Variants in KDM5B observed in about 807,000 individuals in gnomAD.
KDM5B encodes the protein lysine demethylase 5B.
Under a neutral mutation model 193.4 loss-of-function variants are expected in KDM5B, and 144 were observed. The observed-to-expected ratio is 0.74, with a 90% CI of 0.65 to 0.86. The LOEUF is 0.86. Ranked by LOEUF, KDM5B falls within the 40% of genes least tolerant of loss-of-function variation. The probability of loss-of-function intolerance (pLI) is 0.00; values close to 1 mark genes in which losing one functional copy is unlikely to be tolerated. For synonymous variants in KDM5B, 668 were observed against 682.6 expected (o/e 0.98, Z 0.33); for missense variants, 1,833 against 1,886.9 (o/e 0.97, Z 0.53).
chr1:202,781,281 C>G (rs554971557), intron 1 of KDM5B, among the ~76,000 whole-genome samples: 218 of 152,258 alleles, frequency 1.4e-3, no homozygotes, highest in African/African-American at 5.0e-3. Context: ...GCTTGGGCAA[C>G]AGAGCACGAA....
chr1:202,782,087 A>G (rs1193284581), intron 1 of KDM5B, among the ~76,000 whole-genome samples: 1 of 152,206 alleles, frequency 6.6e-6, no homozygotes, highest in Non-Finnish European at 1.5e-5. Context: ...ATATCTGTCA[A>G]TAAGGATGCT....
intron 4 of KDM5B, 33 bp from the exon 5 acceptor site, chr1:202,767,093 CCT>C (rs1491466279): frequency 1.2e-6 from 2 of 1,602,088 alleles, no homozygotes; most frequent in Non-Finnish European, 1.7e-6. Context: ...TAAATTCCCT[CCT>C]TTTTTTTTTC....
At chr1:202,790,920 T>C (rs996007180) in intron 1 of KDM5B, among the ~76,000 whole-genome samples, 2 of 152,106 alleles carry the variant, frequency 1.3e-5, no homozygotes, top group African/African-American at 4.8e-5. Context: ...AATAAATTTC[T>C]ATTATTTATA....
Position 202,758,510 on chromosome 1 carries a change from C to G in KDM5B, c.1078G>C (p.Glu360Gln), listed in dbSNP as rs1228919356. 6.2e-7 allele frequency: 1 copy of G among 1,603,852 alleles called. No individual in the cohort carries two copies. Among genetic ancestry groups the G allele is most frequent in the Non-Finnish European group, 8.5e-7 (1 of 1,172,268 alleles). ...AATGCTTCTTGTGGCTTACTACATT[C>G]CTGAAAATAAAGAAAATTACGTTCT... ...DWRCPKCLAQ[E>Q]CSKPQEAFGF... Residue 360 changes from glutamate (E) to glutamine (Q), a missense_variant and splice_region_variant, in exon 9 of 27, where the codon GAA (glutamate) becomes CAA (glutamine). Glu to Gln is a conservative substitution (Grantham distance 29). Transcript: ENST00000367265.
chr1:202,754,042 C>A (rs4478871), intron 11 of KDM5B, among the ~76,000 whole-genome samples: 4 of 152,100 alleles, frequency 2.6e-5, no homozygotes, highest in Admixed American at 2.6e-4. Context: ...TAAAGCAACC[C>A]ACAAGGGTAA....
intron 1 of KDM5B, among the ~76,000 whole-genome samples, chr1:202,785,008 T>TG (rs1657348404): frequency 7.4e-6 from 1 of 135,652 alleles, no homozygotes; most frequent in Admixed American, 8.1e-5. Flanking sequence ...AGAGCCTGTC[T>TG]CAAAAAAAAA....
intron 4 of KDM5B, among the ~76,000 whole-genome samples, chr1:202,768,243 G>A (rs1027484249): frequency 2.0e-4 from 31 of 152,056 alleles, no homozygotes; most frequent in African/African-American, 6.8e-4. Flanking sequence ...ACATTAACAC[G>A]ACAAAATATT....
Position 202,760,899 on chromosome 1 carries a change from G to A in KDM5B, c.919-326C>T, listed in dbSNP as rs752970916. ...GGTTATAGGCCAAGAGTGGTGGCACGTGTCTGTAGTTCCAACTACTTGGGG... is the reference window on the plus strand; with the variant it reads ...GGTTATAGGCCAAGAGTGGTGGCACATGTCTGTAGTTCCAACTACTTGGGG... On this transcript the variant is annotated intron_variant, in intron 7 of 26. Coordinates refer to ENST00000367265, the MANE Select transcript of KDM5B (RefSeq NM_006618.5). 9.2e-5 allele frequency among the ~76,000 whole-genome samples: 14 copies of A among 152,206 alleles called. 1 individual carries two copies. The South Asian group carries it at 2.3e-3, about 25-fold the overall frequency.
intron 20 of KDM5B, among the ~76,000 whole-genome samples, chr1:202,740,396 C>T (rs1572712659): frequency 8.0e-6 from 1 of 125,580 alleles, no homozygotes; most frequent in East Asian, 2.6e-4. Context: ...GGGCAGCCGG[C>T]CGGGTGGGGG....
intron 1 of KDM5B, among the ~76,000 whole-genome samples, chr1:202,804,619 T>A (rs190098505): frequency 3.9e-5 from 6 of 152,234 alleles, no homozygotes; most frequent in Admixed American, 3.3e-4. Flanking sequence ...GATGAAGGAA[T>A]CAAACTAGTA....
rs372430210 is a variant in KDM5B, at chr1:202,741,322, A to G, written c.2945+45T>C. 726 of 1,376,724 alleles carry G rather than the reference A, an allele frequency of 5.3e-4. 1 individual carries two copies. The Middle Eastern group carries it at 9.1e-3, about 17-fold the overall frequency. 85.3% of individuals were successfully genotyped at this position (1,376,724 alleles called of 1,614,324 possible). On this transcript the variant is annotated intron_variant, in intron 19 of 26. Coordinates refer to ENST00000367265, the MANE Select transcript of KDM5B (RefSeq NM_006618.5). Reference sequence around the variant, plus strand: ...ATTGTGCTCTGTGTTTAAGCTGGAGATAACTGTCCAACCTTCCCAAAGAAA... The same window carrying G: ...ATTGTGCTCTGTGTTTAAGCTGGAGGTAACTGTCCAACCTTCCCAAAGAAA...
chr1:202,797,173 A>G (rs1219489210), intron 1 of KDM5B: 1 of 152,194 alleles, frequency 6.6e-6, no homozygotes, highest in Non-Finnish European at 1.5e-5. Flanking sequence ...TGAACCCCTC[A>G]GCCCTGAGGG....
At chr1:202,751,609 A>G (rs1655794785) in intron 12 of KDM5B, among the ~76,000 whole-genome samples, 1 of 152,120 alleles carries the variant, frequency 6.6e-6, no homozygotes, top group African/African-American at 2.4e-5. Context: ...CCTACTACAG[A>G]TGTCATCTCA....
intron 1 of KDM5B, among the ~76,000 whole-genome samples, chr1:202,800,761 A>G (rs1658040204): frequency 6.6e-6 from 1 of 152,224 alleles, no homozygotes; most frequent in Non-Finnish European, 1.5e-5. Flanking sequence ...TCTGGCCAAT[A>G]CAAAAATGAA....
At chr1:202,805,935 A>G (rs758487006) in intron 1 of KDM5B, among the ~76,000 whole-genome samples, 6 of 152,194 alleles carry the variant, frequency 3.9e-5, no homozygotes, top group Non-Finnish European at 8.8e-5. Flanking sequence ...CTCCAAACAG[A>G]GTACTGGTTG....
intron 16 of KDM5B, among the ~76,000 whole-genome samples, chr1:202,745,379 T>G (rs965225641): frequency 3.3e-5 from 5 of 151,962 alleles, no homozygotes; most frequent in South Asian, 2.1e-4. Flanking sequence ...GAGAGAGAGA[T>G]ATAAAGGGTA....
At chr1:202,773,616 T>C (rs1572751888) in intron 3 of KDM5B, among the ~76,000 whole-genome samples, 4 of 152,362 alleles carry the variant, frequency 2.6e-5, no homozygotes, top group African/African-American at 9.6e-5. Flanking sequence ...TACTTGGTCT[T>C]ATTCTGGGCT....
rs549846539 is a variant in KDM5B at position 202,789,523 on chromosome 1, C to T, written c.205-12429G>A. 9.3e-4 allele frequency among the ~76,000 whole-genome samples: 12 copies of T among 12,934 alleles called. No homozygotes were observed. In the Admixed American group the frequency reaches 0.012, roughly 12 times the overall value. 8.5% of individuals were successfully genotyped at this position (12,934 alleles called of 152,430 possible). A position where few individuals can be genotyped will look rare whatever the true frequency, so the allele number is the denominator to read the frequency against. ...CTGAACTCCAGCCTGGGTGACAGAG[C>T]GAGACTCCACAGGAAAGGGAAAGGC... On this transcript the variant is annotated intron_variant, in intron 1 of 26. Coordinates refer to ENST00000367265, the MANE Select transcript of KDM5B (RefSeq NM_006618.5).
intron 4 of KDM5B, among the ~76,000 whole-genome samples, chr1:202,769,923 T>C (rs1287860947): frequency 1.3e-5 from 2 of 152,134 alleles, no homozygotes; most frequent in Non-Finnish European, 2.9e-5. Flanking sequence ...TATGAGTGAT[T>C]AGGAAAATAC....
Sources: allele counts gnomAD v4.1 joint callset (sites outside exome capture counted in the v4.1 genomes callset), GRCh38; gene constraint gnomAD v4.1.1; transcripts MANE v1.5; gene names NCBI Gene and HGNC (gene_info 2026-07-23, HGNC 2026-07-21).